The following TENM3 variants were observed in gnomAD, a reference collection of about 807,000 sequenced individuals.
TENM3 encodes teneurin-3.
TENM3 carries 63 observed loss-of-function variants against 255.1 expected under a neutral mutation model. The ratio of observed to expected loss-of-function variants is 0.25; its 90% CI spans 0.20 to 0.30. TENM3 has a LOEUF of 0.30. Ranked by LOEUF, TENM3 falls within the 10% of genes least tolerant of loss-of-function variation. TENM3 has a pLI of 1.00. For synonymous variants in TENM3, 1,306 were observed against 1,322.3 expected (o/e 0.99, Z 0.27); for missense variants, 2,929 against 3,461.1 (o/e 0.85, Z 3.86).
intron 1 of TENM3, among the ~76,000 whole-genome samples, chr4:182,213,951 GCCA>G (rs1755243786): frequency 6.6e-6 from 1 of 151,938 alleles, no homozygotes; most frequent in African/African-American, 2.4e-5. Context: ...ACAGGCGCCC[GCCA>G]CCACGCCTGG....
intron 1 of TENM3, among the ~76,000 whole-genome samples, chr4:182,258,115 A>T (rs1579923917): frequency 1.3e-5 from 2 of 152,250 alleles, no homozygotes; most frequent in South Asian, 4.1e-4. Context: ...ATAAATACGT[A>T]AAGTATATAG....
intron 3 of TENM3, among the ~76,000 whole-genome samples, chr4:182,505,456 C>CTTTTA (rs80113065): frequency 5.9e-5 from 9 of 151,552 alleles, no homozygotes; most frequent in Admixed American, 2.6e-4. Context: ...TCTGCTTTTC[C>CTTTTA]TTTTATTTTA....
At chr4:182,243,323 C>T (rs1757405833), upstream of TENM3, 1 of 152,352 alleles carries the variant, frequency 6.6e-6, no homozygotes, top group Non-Finnish European at 1.5e-5. Context: ...CCATGTTGGC[C>T]AGGCTGGTCA....
At chr4:182,470,555 A>G (rs1198173533) in intron 3 of TENM3, among the ~76,000 whole-genome samples, 1 of 152,190 alleles carries the variant, frequency 6.6e-6, no homozygotes, top group Admixed American at 6.5e-5. Context: ...AACATACATT[A>G]ATGGCTGCTA....
At chr4:182,670,681 C>T (rs1755124023) in intron 6 of TENM3, among the ~76,000 whole-genome samples, 1 of 152,120 alleles carries the variant, frequency 6.6e-6, no homozygotes, top group African/African-American at 2.4e-5. Flanking sequence ...ATGTACTCTC[C>T]CTCAAACCTC....
the TENM3 span, among the ~76,000 whole-genome samples, chr4:181,697,243 G>A: frequency 1.3e-5 from 2 of 152,162 alleles, no homozygotes; most frequent in African/African-American, 4.8e-5. Flanking sequence ...CTGGAGACCA[G>A]GGAGTTCTGT....
chr4:182,213,937 G>A (rs1375628555), intron 1 of TENM3, among the ~76,000 whole-genome samples: 6 of 152,024 alleles, frequency 3.9e-5, no homozygotes, highest in African/African-American at 9.7e-5. Context: ...GAGTAGCTGG[G>A]ACTACAGGCG....
chr4:181,710,348 G>A, the TENM3 span, among the ~76,000 whole-genome samples: 5 of 152,066 alleles, frequency 3.3e-5, no homozygotes, highest in Non-Finnish European at 7.4e-5. Flanking sequence ...AAATGCTGAC[G>A]AGGACCAAAT....
the TENM3 span, among the ~76,000 whole-genome samples, chr4:181,573,120 CG>C: frequency 6.6e-6 from 1 of 152,116 alleles, no homozygotes; most frequent in Non-Finnish European, 1.5e-5. Flanking sequence ...GTAAGTACCA[CG>C]TTTTTTTATC....
chr4:181,538,316 C>T, the TENM3 span, among the ~76,000 whole-genome samples: 2 of 152,132 alleles, frequency 1.3e-5, no homozygotes, highest in Non-Finnish European at 2.9e-5. Flanking sequence ...CTTTTACTCA[C>T]TTATTCATTT....
chr4:182,101,096 G>GAGGA, the TENM3 span, among the ~76,000 whole-genome samples: 1 of 26,854 alleles, frequency 3.7e-5, no homozygotes, highest in Non-Finnish European at 1.0e-4. Context: ...GGGAGGGAGG[G>GAGGA]AGGGAGGGAG....
rs538284999 is a variant in TENM3, at chr4:182,244,297, C to G, written c.-76+821C>G. Among the ~76,000 whole-genome samples the G allele has an allele frequency of 2.1e-3, 323 of 152,208 alleles. 1 individual carries two copies. The highest frequency in any genetic ancestry group is 5.3e-3 in the Admixed American group (81 of 15,282). On this transcript the variant is annotated intron_variant, in intron 1 of 27. Transcript: ENST00000511685. ...AAACATATAACCCAGGGTATTAGAC[C>G]ACCATGGTGGTCACGGCGATCACAA...
At chr4:181,755,904 T>C in the TENM3 span, among the ~76,000 whole-genome samples, 1 of 152,096 alleles carries the variant, frequency 6.6e-6, no homozygotes, top group African/African-American at 2.4e-5. Flanking sequence ...CTGATTGCTG[T>C]CTCTTATTTT....
At chr4:181,993,323 G>C in the TENM3 span, among the ~76,000 whole-genome samples, 1 of 152,030 alleles carries the variant, frequency 6.6e-6, no homozygotes, top group Non-Finnish European at 1.5e-5. Context: ...CTATTAAAGG[G>C]TCAGTATACT....
chr4:182,161,588 AATATATAT>A (rs202175815), intron 1 of TENM3, among the ~76,000 whole-genome samples: 1 of 123,072 alleles, frequency 8.1e-6, no homozygotes, highest in African/African-American at 3.2e-5. Context: ...GCTCAGTCCA[AATATATAT>A]ATACATATAT....
chr4:182,786,497 C>T (rs1765664075), intron 24 of TENM3, among the ~76,000 whole-genome samples: 1 of 149,870 alleles, frequency 6.7e-6, no homozygotes, highest in Non-Finnish European at 1.5e-5. Flanking sequence ...GAGGAGGTTG[C>T]AGTGAGCCAA....
intron 3 of TENM3, among the ~76,000 whole-genome samples, chr4:182,347,762 T>C (rs938784668): frequency 2.6e-5 from 4 of 152,190 alleles, no homozygotes. Flanking sequence ...TCAGCAGCAA[T>C]GCAGCAAACA....
the TENM3 span, among the ~76,000 whole-genome samples, chr4:181,999,114 C>T: frequency 6.6e-6 from 1 of 152,084 alleles, no homozygotes; most frequent in African/African-American, 2.4e-5. Context: ...GATTTTGAGC[C>T]CCTGTCACAA....
chr4:181,927,352 A>G, the TENM3 span, among the ~76,000 whole-genome samples: 1 of 152,172 alleles, frequency 6.6e-6, no homozygotes, highest in Non-Finnish European at 1.5e-5. Context: ...GGCGTTTGCC[A>G]TTACTGGGGC....
Sources: allele counts gnomAD v4.1 joint callset (sites outside exome capture counted in the v4.1 genomes callset), GRCh38; gene constraint gnomAD v4.1.1; transcripts MANE v1.5; gene names NCBI Gene and HGNC (gene_info 2026-07-23, HGNC 2026-07-21).